The following TCERG1L variants were observed in gnomAD, a reference collection of about 807,000 sequenced individuals.
TCERG1L encodes the protein transcription elongation regulator 1 like.
In TCERG1L, 37 loss-of-function variants were observed where a neutral mutation model predicts 56.3. The observed-to-expected ratio is 0.66, with a 90% CI of 0.51 to 0.87. The LOEUF is 0.87. Ranked by LOEUF, TCERG1L falls within the 40% of genes least tolerant of loss-of-function variation. The pLI, the probability that TCERG1L is intolerant of heterozygous loss-of-function variation, is 0.00. For synonymous variants in TCERG1L, 324 were observed against 326.3 expected (o/e 0.99, Z 0.08); for missense variants, 799 against 774.2 (o/e 1.03, Z -0.38).
rs574425313 is a variant in TCERG1L, at chr10:131,281,326, G to A, written c.671-20882C>T. Among the ~76,000 whole-genome samples the A allele has an allele frequency of 4.6e-4, 70 of 152,092 alleles. 1 individual carries two copies. The South Asian group carries it at 0.013, about 28-fold the overall frequency. ...GTGCTGCCCTCTGAGCGTGTCCACCGTGCAGCTTTGTCTGTATCACAGATC... is the reference window on the plus strand; with the variant it reads ...GTGCTGCCCTCTGAGCGTGTCCACCATGCAGCTTTGTCTGTATCACAGATC... On this transcript the variant is annotated intron_variant, in intron 3 of 11. Transcript: ENST00000368642.
chr10:131,224,006 T>C (rs1028994100), intron 4 of TCERG1L, among the ~76,000 whole-genome samples: 3 of 151,950 alleles, frequency 2.0e-5, no homozygotes, highest in African/African-American at 4.8e-5. Flanking sequence ...AGCCGCTCCA[T>C]CCCACCAGAG....
rs543391998 is a variant in TCERG1L at position 131,263,181 on chromosome 10, TC to T, written c.671-2738del. On this transcript the variant is annotated intron_variant, in intron 3 of 11. Transcript: ENST00000368642. ...AGCAGTGAATGGGAGTTCCTGTTGTTCCACATCCTCAATCTGCATTTAGTGA... is the reference window on the plus strand; with the variant it reads ...AGCAGTGAATGGGAGTTCCTGTTGTTCACATCCTCAATCTGCATTTAGTGA... Among the ~76,000 whole-genome samples, 61 of 152,268 alleles carry T rather than the reference TC, an allele frequency of 4.0e-4. No homozygotes were observed. In the Middle Eastern group the frequency reaches 0.014, roughly 34 times the overall value.
At chr10:131,143,596 C>T (rs1034944443) in intron 7 of TCERG1L, among the ~76,000 whole-genome samples, 11 of 152,170 alleles carry the variant, frequency 7.2e-5, no homozygotes, top group African/African-American at 2.2e-4. Context: ...GGGTTTCTGC[C>T]GTCACTACCA....
At chr10:131,242,272 G>A (rs1040216302) in intron 4 of TCERG1L, among the ~76,000 whole-genome samples, 1 of 152,148 alleles carries the variant, frequency 6.6e-6, no homozygotes, top group South Asian at 2.1e-4. Flanking sequence ...GAATATGGAT[G>A]CTGTGAGGAG....
chr10:131,290,717 T>C (rs1015857197), intron 3 of TCERG1L, among the ~76,000 whole-genome samples: 8 of 152,132 alleles, frequency 5.3e-5, no homozygotes, highest in African/African-American at 1.9e-4. Context: ...CTAAGTATGA[T>C]TTTATTCATG....
chr10:131,188,651 CTT>C (rs1384511599), intron 4 of TCERG1L, among the ~76,000 whole-genome samples: 4 of 152,146 alleles, frequency 2.6e-5, no homozygotes, highest in African/African-American at 9.7e-5. Context: ...GTAATACTGA[CTT>C]GGGATATTTT....
chr10:131,112,815 G>A (rs1025867661), intron 9 of TCERG1L, among the ~76,000 whole-genome samples: 1 of 142,690 alleles, frequency 7.0e-6, no homozygotes, highest in African/African-American at 2.5e-5. Context: ...GCCGTGGGGT[G>A]AGGAAGGTGC....
Position 131,260,188 on chromosome 10 carries a change from G to C in TCERG1L, c.856+71C>G. The C allele has an allele frequency of 1.6e-6, 2 of 1,269,228 alleles. No homozygotes were observed. The highest frequency in any genetic ancestry group is 9.9e-7 in the Non-Finnish European group (1 of 1,006,408). 78.6% of individuals were successfully genotyped at this position (1,269,228 alleles called of 1,614,324 possible). ...CACAGCGCCTGGGCCCAGGCCAGGG[G>C]CATCTAACCAGGAAGCCTCCGCGCG... On this transcript the variant is annotated intron_variant, in intron 4 of 11. Coordinates refer to ENST00000368642, the MANE Select transcript of TCERG1L (RefSeq NM_174937.4). The surrounding 1 kb of genome is among the most constrained non-coding windows in gnomAD (Gnocchi z 5.8).
Position 131,163,180 on chromosome 10 carries a change from C to G in TCERG1L, c.976G>C (p.Asp326His), listed in dbSNP as rs764547795. 1.9e-6 allele frequency: 3 copies of G among 1,566,570 alleles called. No homozygotes were observed. The highest frequency in any genetic ancestry group is 2.6e-6 in the Non-Finnish European group (3 of 1,154,928). Reference sequence around the variant, plus strand: ...GGCCTGTTGCCTCTGGCTGTGCTGTCCTCTCCTCCCCCCAGCATCGGTGGA... The same window carrying G: ...GGCCTGTTGCCTCTGGCTGTGCTGTGCTCTCCTCCCCCCAGCATCGGTGGA... ...EPPPMLGGGEDSTARGNRPVA... is the reference protein window; with the variant it reads ...EPPPMLGGGEHSTARGNRPVA... The change falls in exon 6 of 12, where the codon GAC becomes CAC. Residue 326 changes from aspartate to histidine, a missense_variant. Physicochemically the swap from Asp to His is moderately conservative, Grantham distance 81 (BLOSUM62 -1). Coordinates refer to ENST00000368642, the MANE Select transcript of TCERG1L (RefSeq NM_174937.4).
chr10:131,116,645 C>T (rs1190424385), intron 9 of TCERG1L, among the ~76,000 whole-genome samples, 154 bp downstream of exon 9: 1 of 152,170 alleles, frequency 6.6e-6, no homozygotes, highest in Non-Finnish European at 1.5e-5. Flanking sequence ...AACAGGAACT[C>T]AGTAAGGAGG....
rs1012004003 is a variant in TCERG1L, at chr10:131,118,018, G to C, written c.1260-1084C>G. Among the ~76,000 whole-genome samples, 8 of 152,106 alleles carry C rather than the reference G, an allele frequency of 5.3e-5. No homozygotes were observed. Among genetic ancestry groups the C allele is most frequent in the Non-Finnish European group, 8.8e-5 (6 of 68,010 alleles). ...CAGGATGCAGCCTGTTCTCCAGGAC[G>C]GGCAGACTCAACCCGCGCTGGGTTG... On this transcript the variant is annotated intron_variant, in intron 8 of 11. Transcript: ENST00000368642. The surrounding 1 kb of genome is among the most constrained non-coding windows in gnomAD (Gnocchi z 4.2).
chr10:131,202,289 C>T (rs966558658), intron 4 of TCERG1L, among the ~76,000 whole-genome samples: 7 of 152,130 alleles, frequency 4.6e-5, no homozygotes, highest in Admixed American at 6.6e-5. Context: ...CTGGTAAGGC[C>T]GGAACTTTTT....
chr10:131,172,193 T>C (rs956019194), intron 4 of TCERG1L, among the ~76,000 whole-genome samples: 14 of 151,956 alleles, frequency 9.2e-5, no homozygotes, highest in Non-Finnish European at 1.9e-4. Context: ...ACCATGAGGC[T>C]GTAAGAACAT....
intron 4 of TCERG1L, among the ~76,000 whole-genome samples, chr10:131,256,992 G>GGAAGGAAGGAAGGGAAGAAA (rs1846173015): frequency 5.1e-5 from 3 of 59,170 alleles, no homozygotes; most frequent in African/African-American, 1.7e-4. Flanking sequence ...AAGGAAGGAA[G>GGAAGGAAGGAAGGGAAGAAA]GAAAGAAAGA....
At chr10:131,238,959 C>G (rs775244104) in intron 4 of TCERG1L, among the ~76,000 whole-genome samples, 33 of 152,094 alleles carry the variant, frequency 2.2e-4, no homozygotes, top group Middle Eastern at 3.2e-3. Flanking sequence ...TGCTGCTCTC[C>G]TGCCTCCCTG....
In TCERG1L at chr10:131,267,881, A is replaced by C. The variant is rs1846302617; in HGVS notation, c.671-7437T>G. 6.6e-6 allele frequency among the ~76,000 whole-genome samples: 1 copy of C among 152,136 alleles called. No homozygotes were observed. Among genetic ancestry groups the C allele is most frequent in the Non-Finnish European group, 1.5e-5 (1 of 68,006 alleles). Reference sequence around the variant, plus strand: ...CGTGCCAGAGTCGAGGGCAAGGGTGATGTTGCCACAAGTTCCCCGGGGGCC... The same window carrying C: ...CGTGCCAGAGTCGAGGGCAAGGGTGCTGTTGCCACAAGTTCCCCGGGGGCC... On this transcript the variant is annotated intron_variant, in intron 3 of 11. Transcript: ENST00000368642. The surrounding 1 kb of genome is among the most constrained non-coding windows in gnomAD (Gnocchi z 4.9).
chr10:131,278,960 C>A (rs192849298), intron 3 of TCERG1L, among the ~76,000 whole-genome samples: 1 of 152,326 alleles, frequency 6.6e-6, no homozygotes, highest in Non-Finnish European at 1.5e-5. Context: ...CCTTCTGCTG[C>A]CACTGTGTGT....
Position 131,291,137 on chromosome 10 carries a change from T to C in TCERG1L, c.670+17074A>G, listed in dbSNP as rs566640471. On this transcript the variant is annotated intron_variant, in intron 3 of 11. Transcript: ENST00000368642. ...CCACATATTGCACAAGGATCATTTA[T>C]AATTATTCTGTCTTCCATTTATGTC... 6.6e-5 allele frequency among the ~76,000 whole-genome samples: 10 copies of C among 152,342 alleles called. No individual in the cohort carries two copies. The South Asian group carries it at 2.1e-3, about 32-fold the overall frequency.
chr10:131,308,585 T>G (rs1846841773), intron 2 of TCERG1L, among the ~76,000 whole-genome samples, 194 bp from the exon 3 acceptor site: 1 of 152,198 alleles, frequency 6.6e-6, no homozygotes, highest in Non-Finnish European at 1.5e-5. Flanking sequence ...ATCTAGCTAA[T>G]GTCTTCTGGG....
Sources: allele counts gnomAD v4.1 joint callset (sites outside exome capture counted in the v4.1 genomes callset), GRCh38; gene constraint gnomAD v4.1.1; non-coding constraint Gnocchi (gnomAD v3.1); transcripts MANE v1.5; gene names NCBI Gene and HGNC (gene_info 2026-07-23, HGNC 2026-07-21).